NBEAL1: variants seen among roughly 807,000 people sequenced by gnomAD.
NBEAL1 encodes the protein neurobeachin like 1, also known as neurobeachin-like protein 1.
In NBEAL1, 273 loss-of-function variants were observed where a neutral mutation model predicts 351.3. That is an observed-to-expected ratio of 0.78 (90% CI 0.70 to 0.86). NBEAL1 has a LOEUF of 0.86. Ranked by LOEUF, NBEAL1 falls within the 40% of genes least tolerant of loss-of-function variation. The pLI, the probability that NBEAL1 is intolerant of heterozygous loss-of-function variation, is 0.00. For missense variants in NBEAL1, 2,961 were observed against 3,201.3 expected (o/e 0.92, Z 1.81); for synonymous variants, 1,050 against 1,086.4 (o/e 0.97, Z 0.66).
chr2:203,209,432 G>T, intron 53 of NBEAL1, 110 bp downstream of exon 53: 1 of 831,778 alleles, frequency 1.2e-6, no homozygotes. Context: ...TTTTAAAGAT[G>T]ATGTTTTTCT....
At chr2:203,040,729 C>T (rs536862802) in intron 2 of NBEAL1, 1 of 590,860 alleles carries the variant, frequency 1.7e-6, no homozygotes, top group Non-Finnish European at 3.2e-6. Context: ...GTTCTTGCTC[C>T]CTTTCCACCT....
At chr2:203,119,424 C>CTTTTTTTTTTTTTTTTTTGTTTTTTT (rs2062777578) in intron 18 of NBEAL1, among the ~76,000 whole-genome samples, 1 of 66,656 alleles carries the variant, frequency 1.5e-5, no homozygotes, top group Non-Finnish European at 2.6e-5. Flanking sequence ...CGGCCTGTTG[C>CTTTTTTTTTTTTTTTTTTGTTTTTTT]TTTTTTTTTT....
intron 34 of NBEAL1, among the ~76,000 whole-genome samples, chr2:203,149,897 A>G (rs535164385): frequency 6.6e-6 from 1 of 152,204 alleles, no homozygotes; most frequent in East Asian, 1.9e-4. Context: ...TCAGTACTTT[A>G]TTCCTTTTTA....
intron 11 of NBEAL1, among the ~76,000 whole-genome samples, chr2:203,097,930 C>G (rs1398134949): frequency 6.6e-6 from 1 of 151,998 alleles, no homozygotes; most frequent in Admixed American, 6.5e-5. Flanking sequence ...ATGCTGTCCA[C>G]CTGGTGGTGA....
chr2:203,109,771 C>T (rs1438463236), intron 14 of NBEAL1, among the ~76,000 whole-genome samples: 2 of 152,182 alleles, frequency 1.3e-5, no homozygotes, highest in Non-Finnish European at 2.9e-5. Flanking sequence ...CTGCCCACCT[C>T]GGCCTGCTAA....
chr2:203,095,970 C>T lies in NBEAL1; in HGVS notation c.1099-1577C>T, dbSNP rs1190089263. 5.4e-5 allele frequency among the ~76,000 whole-genome samples: 8 copies of T among 148,738 alleles called. No homozygotes were observed. The East Asian group carries it at 6.1e-4, about 11-fold the overall frequency. ...GGTTTCACCATGTTGGCCAGGCTGC[C>T]GGTCTGGAACTCCTGACCTCAGGTG... On this transcript the variant is annotated intron_variant, in intron 10 of 55. Transcript: ENST00000683969.
At chr2:203,193,679 G>C (rs1271095843) in intron 46 of NBEAL1, 116 bp from the exon 47 acceptor site, 6 of 611,812 alleles carry the variant, frequency 9.8e-6, no homozygotes, top group Non-Finnish European at 1.7e-5. Context: ...ACCTATAATT[G>C]TCAACAATGC....
At chr2:203,096,797 G>A (rs550039228) in intron 10 of NBEAL1, among the ~76,000 whole-genome samples, 2 of 152,308 alleles carry the variant, frequency 1.3e-5, no homozygotes, top group South Asian at 4.1e-4. Flanking sequence ...CTCTGAGGAA[G>A]TACTTCTAGA....
intron 26 of NBEAL1, 108 bp downstream of exon 26, chr2:203,132,240 C>G (rs896963128): frequency 1.4e-6 from 1 of 730,768 alleles, no homozygotes; most frequent in East Asian, 2.8e-5. Flanking sequence ...TTTGATTCAG[C>G]AGGGCCTTCC....
At chr2:203,081,631 G>A (rs1021709439) in intron 8 of NBEAL1, among the ~76,000 whole-genome samples, 5 of 152,200 alleles carry the variant, frequency 3.3e-5, no homozygotes, top group Non-Finnish European at 5.9e-5. Context: ...TTAATCTGGT[G>A]CCTCTGGGAT....
intron 21 of NBEAL1, 37 bp from the exon 22 acceptor site, chr2:203,126,520 A>G: frequency 7.3e-7 from 1 of 1,372,466 alleles, no homozygotes; most frequent in Non-Finnish European, 9.5e-7. Context: ...AGTTATTTAA[A>G]CTGAACTATA....
intron 27 of NBEAL1, among the ~76,000 whole-genome samples, chr2:203,133,388 G>A (rs552396964): frequency 4.5e-4 from 68 of 152,040 alleles, no homozygotes; most frequent in African/African-American, 1.4e-3. Context: ...AGTCAAAAAT[G>A]TATTACCAGA....
intron 18 of NBEAL1, 25 bp downstream of exon 18, chr2:203,116,095 C>G (rs2062690915): frequency 6.8e-7 from 1 of 1,469,452 alleles, no homozygotes; most frequent in Non-Finnish European, 9.3e-7. Context: ...GTGAACTGTC[C>G]ATCTAGTTAT....
Position 203,079,727 on chromosome 2 carries a change from T to G in NBEAL1, c.684+1890T>G, listed in dbSNP as rs749057459. Reference sequence around the variant, plus strand: ...TTTTAAAAACTTAAGTAAATTTTATTTAAAGATACAAAATTATGCCAATAA... The same window carrying G: ...TTTTAAAAACTTAAGTAAATTTTATGTAAAGATACAAAATTATGCCAATAA... On this transcript the variant is annotated intron_variant, in intron 8 of 55. Transcript: ENST00000683969. 1.0e-3 allele frequency among the ~76,000 whole-genome samples: 156 copies of G among 152,272 alleles called. 2 individuals carry two copies. Among genetic ancestry groups the G allele is most frequent in the Non-Finnish European group, 3.4e-4 (23 of 68,006 alleles).
At chr2:203,099,522 G>C in intron 11 of NBEAL1, 107 bp from the exon 12 acceptor site, 1 of 637,288 alleles carries the variant, frequency 1.6e-6, no homozygotes, top group South Asian at 2.1e-5. Flanking sequence ...GGAATGTAAT[G>C]CATGTTAAGT....
chr2:203,071,216 A>T (rs1175939459), intron 7 of NBEAL1, among the ~76,000 whole-genome samples: 1 of 152,114 alleles, frequency 6.6e-6, no homozygotes, highest in African/African-American at 2.4e-5. Flanking sequence ...GGGTGGCTTA[A>T]ATAACAGAAA....
At chr2:203,140,906 G>C (rs1400721752) in intron 31 of NBEAL1, among the ~76,000 whole-genome samples, 3 of 152,026 alleles carry the variant, frequency 2.0e-5, no homozygotes, top group Non-Finnish European at 2.9e-5. Context: ...TTGAACCCAG[G>C]AGTCAGAGGT....
chr2:203,171,540 G>A (rs1373078938), intron 39 of NBEAL1, among the ~76,000 whole-genome samples: 1 of 152,156 alleles, frequency 6.6e-6, no homozygotes, highest in Non-Finnish European at 1.5e-5. Flanking sequence ...AGGAGCTTGA[G>A]GCTGTAATGA....
chr2:203,183,225 T>C (rs1202401432), intron 43 of NBEAL1, 54 bp from the exon 44 acceptor site: 2 of 1,007,898 alleles, frequency 2.0e-6, no homozygotes, highest in Non-Finnish European at 3.0e-6. Context: ...TTTGTTTTAC[T>C]TCGTTTATTA....
Sources: gnomAD v4.1 joint callset for allele counts (sites outside exome capture counted in the v4.1 genomes callset) on GRCh38, gnomAD v4.1.1 for gene constraint, MANE v1.5 for transcripts, NCBI Gene and HGNC (gene_info 2026-07-23, HGNC 2026-07-21) for gene names.